Variants in CALN1 observed in about 807,000 individuals in gnomAD.
CALN1 encodes calcium-binding protein 8.
CALN1 carries 17 observed loss-of-function variants against 30.6 expected under a neutral mutation model. The observed-to-expected ratio is 0.56, with a 90% CI of 0.38 to 0.83. The LOEUF (loss-of-function observed/expected upper bound fraction) is 0.83. Ranked by LOEUF, CALN1 falls within the 40% of genes least tolerant of loss-of-function variation. CALN1 has a pLI of 0.00. For synonymous variants in CALN1, 156 were observed against 131.4 expected, an observed-to-expected ratio of 1.19 and a Z score of -1.28; for missense variants, 291 against 354.9, an observed-to-expected ratio of 0.82 and a Z score of 1.45.
At chr7:72,019,507 T>C (rs963338818) in intron 5 of CALN1, among the ~76,000 whole-genome samples, 1 of 152,234 alleles carries the variant, frequency 6.6e-6, no homozygotes, top group African/African-American at 2.4e-5. Context: ...TCATTGCTCT[T>C]GCCTAGCACT....
chr7:72,258,310 T>G (rs1318146915), intron 3 of CALN1, among the ~76,000 whole-genome samples: 1 of 152,152 alleles, frequency 6.6e-6, no homozygotes, highest in African/African-American at 2.4e-5. Context: ...ATGGTTCCAT[T>G]TAGCAGAGGA....
chr7:72,466,559 C>A, the CALN1 span, among the ~76,000 whole-genome samples: 1 of 152,130 alleles, frequency 6.6e-6, no homozygotes, highest in Non-Finnish European at 1.5e-5. Flanking sequence ...GCCTGGCCAA[C>A]ATGGCGAAAC....
chr7:72,220,148 G>C (rs1221625566), intron 3 of CALN1, among the ~76,000 whole-genome samples: 1 of 150,074 alleles, frequency 6.7e-6, no homozygotes, highest in Non-Finnish European at 1.5e-5. Flanking sequence ...CCATTAACTC[G>C]TCATTTAGCA....
At chr7:72,212,588 C>T (rs1792493384) in intron 3 of CALN1, among the ~76,000 whole-genome samples, 1 of 152,004 alleles carries the variant, frequency 6.6e-6, no homozygotes, top group Non-Finnish European at 1.5e-5. Flanking sequence ...AGGAGGCTGA[C>T]AGGATTGCTT....
At chr7:72,337,853 C>G (rs79217579) in intron 2 of CALN1, 1 of 152,330 alleles carries the variant, frequency 6.6e-6, no homozygotes, top group Non-Finnish European at 1.5e-5. Context: ...AGAATGGATC[C>G]GATGGGAAGG....
At chr7:71,860,878 G>T (rs1315306738) in intron 5 of CALN1, among the ~76,000 whole-genome samples, 1 of 152,124 alleles carries the variant, frequency 6.6e-6, no homozygotes, top group East Asian at 1.9e-4. Flanking sequence ...AAGCTACAGA[G>T]AGCATTTGCT....
At chr7:72,502,958 GC>G in the CALN1 span, among the ~76,000 whole-genome samples, 1 of 152,128 alleles carries the variant, frequency 6.6e-6, no homozygotes, top group African/African-American at 2.4e-5. Flanking sequence ...TTCGAGACCA[GC>G]CTGGCCAACA....
At chr7:72,263,237 G>A (rs1481317583) in intron 3 of CALN1, among the ~76,000 whole-genome samples, 1 of 151,986 alleles carries the variant, frequency 6.6e-6, no homozygotes, top group Non-Finnish European at 1.5e-5. Context: ...AACAATAATA[G>A]GAATAGTAAT....
intron 5 of CALN1, among the ~76,000 whole-genome samples, chr7:71,851,062 A>G (rs1400353787): frequency 6.6e-6 from 1 of 152,126 alleles, no homozygotes; most frequent in Non-Finnish European, 1.5e-5. Context: ...AAATTAAAAA[A>G]TGGATTAGCT....
intron 2 of CALN1, among the ~76,000 whole-genome samples, chr7:72,364,698 G>A (rs555420242): frequency 7.2e-5 from 11 of 152,312 alleles, no homozygotes; most frequent in African/African-American, 2.6e-4. Flanking sequence ...AAACAACAGT[G>A]ATAGTTAAGT....
chr7:72,221,465 C>T (rs1211850892), intron 3 of CALN1, among the ~76,000 whole-genome samples: 1 of 151,844 alleles, frequency 6.6e-6, no homozygotes. Flanking sequence ...TTACAGGCAC[C>T]CGCCATCGTG....
chr7:72,163,391 T>TAAAAAAAAA lies in CALN1; in HGVS notation c.245-57098_245-57097insTTTTTTTTT, dbSNP rs1563111506. The stretch of plus-strand genomic sequence containing the variant: ...CTACAAGAAAAAAACTTATTGGAGA[T>TAAAAAAAAA]TAAAAAAAAAAAAAAAAAACAGAAA... On this transcript the variant is annotated intron_variant, in intron 3 of 6. Transcript: ENST00000395275. Among the ~76,000 whole-genome samples, 23 of 130,416 alleles carry TAAAAAAAAA rather than the reference T, an allele frequency of 1.8e-4. 1 individual carries two copies. Among genetic ancestry groups the TAAAAAAAAA allele is most frequent in the African/African-American group, 4.8e-4 (17 of 35,092 alleles). The allele number at this position is 130,416 out of a possible 152,430, so 85.6% of individuals were successfully genotyped here.
chr7:71,970,644 C>A (rs1797748631), intron 5 of CALN1, among the ~76,000 whole-genome samples: 1 of 150,922 alleles, frequency 6.6e-6, no homozygotes, highest in South Asian at 2.1e-4. Flanking sequence ...GCAGGCAATA[C>A]AACATTCTCT....
intron 5 of CALN1, among the ~76,000 whole-genome samples, chr7:71,916,100 GT>G (rs1310207763): frequency 6.6e-6 from 1 of 152,148 alleles, no homozygotes; most frequent in African/African-American, 2.4e-5. Context: ...AGGATTATTT[GT>G]TTTTAATGTG....
Position 72,297,213 on chromosome 7 carries a change from G to C in CALN1, c.120-18403C>G, listed in dbSNP as rs893179125. Among the ~76,000 whole-genome samples, 3 of 151,900 alleles carry C rather than the reference G, an allele frequency of 2.0e-5. 1 individual carries two copies. The highest frequency in any genetic ancestry group is 4.8e-5 in the African/African-American group (2 of 41,354). On this transcript the variant is annotated intron_variant, in intron 2 of 6. Coordinates refer to ENST00000395275, the MANE Select transcript of CALN1 (RefSeq NM_031468.4). ...AAGGAGCATTCAGAAAAAAAGTTTT[G>C]TTATTTAAATGTTCTCTTTTATCTT...
chr7:72,085,120 C>T (rs796317892), intron 4 of CALN1, among the ~76,000 whole-genome samples: 17 of 152,250 alleles, frequency 1.1e-4, no homozygotes, highest in East Asian at 5.8e-4. Context: ...AGCAGCCAAA[C>T]GCTATGTCAT....
intron 2 of CALN1, among the ~76,000 whole-genome samples, chr7:72,397,393 C>T (rs1303902081): frequency 1.3e-5 from 2 of 152,128 alleles, no homozygotes; most frequent in Non-Finnish European, 2.9e-5. Context: ...GATAGAAGGT[C>T]ACAGGAGTTG....
chr7:72,397,777 T>C (rs886723957), intron 2 of CALN1, among the ~76,000 whole-genome samples: 25 of 100,776 alleles, frequency 2.5e-4, no homozygotes, highest in Non-Finnish European at 1.1e-4. Flanking sequence ...GTGGGTCCTC[T>C]AAGTATTAGC....
chr7:72,438,944 G>C lies in CALN1; in HGVS notation c.-226+8098C>G. ...CCTAACTTTTCAACATTCCTTAAAG[G>C]AAACCTCAGAAGAAAATACAGTTGA... On this transcript the variant is annotated intron_variant, in intron 1 of 6. Transcript: ENST00000395276. 1.3e-5 allele frequency among the ~76,000 whole-genome samples: 2 copies of C among 152,204 alleles called. 1 individual carries two copies. Among genetic ancestry groups the C allele is most frequent in the Non-Finnish European group, 2.9e-5 (2 of 68,042 alleles).
Sources: allele counts gnomAD v4.1 joint callset (sites outside exome capture counted in the v4.1 genomes callset), GRCh38; gene constraint gnomAD v4.1.1; transcripts MANE v1.5; gene names NCBI Gene and HGNC (gene_info 2026-07-23, HGNC 2026-07-21).